Variants in RNF213 observed in about 807,000 individuals in gnomAD.
RNF213 encodes ring finger protein 213.
In RNF213, 341 loss-of-function variants were observed where a neutral mutation model predicts 514.4. The ratio of observed to expected loss-of-function variants is 0.66; its 90% CI spans 0.61 to 0.73. RNF213 has a LOEUF of 0.73. Among genes scored for constraint, RNF213 ranks in the 30% least tolerant of loss-of-function variants. The probability of loss-of-function intolerance (pLI) is 0.00; values close to 1 mark genes in which losing one functional copy is unlikely to be tolerated. For missense variants in RNF213, 5,767 were observed against 6,615.6 expected, an observed-to-expected ratio of 0.87 and a Z score of 4.45; for synonymous variants, 2,655 against 2,658.2, an observed-to-expected ratio of 1.00 and a Z score of 0.04.
Position 80,321,851 on chromosome 17 carries a change from G to A in RNF213, c.3024+2539G>A, listed in dbSNP as rs111429617. On this transcript the variant is annotated intron_variant, in intron 17 of 67. Coordinates refer to ENST00000582970, the MANE Select transcript of RNF213 (RefSeq NM_001256071.3). Reference sequence around the variant, plus strand: ...AGCAATTCTCCTGCCTCAGTCTCTCGAGTAGCTGGGACTACAGGCATGTGC... The same window carrying A: ...AGCAATTCTCCTGCCTCAGTCTCTCAAGTAGCTGGGACTACAGGCATGTGC... Among the ~76,000 whole-genome samples the A allele has an allele frequency of 4.0e-4, 61 of 152,150 alleles. No homozygotes were observed. In the South Asian group the frequency reaches 5.2e-3, roughly 13 times the overall value.
Position 80,389,068 on chromosome 17 carries a change from C to T in RNF213, c.15001-105C>T, listed in dbSNP as rs2080355798. Reference sequence around the variant, plus strand: ...AGTGTCAGCTGTTAGAGAGTTGGCCCCCCGCATGTGGCTTGGGCAGTGAAG... The same window carrying T: ...AGTGTCAGCTGTTAGAGAGTTGGCCTCCCGCATGTGGCTTGGGCAGTGAAG... On this transcript the variant is annotated intron_variant, in intron 64 of 67. Transcript: ENST00000582970. 4 of 1,091,376 alleles carry T rather than the reference C, an allele frequency of 3.7e-6. No individual in the cohort carries two copies. In the Admixed American group the frequency reaches 5.2e-5, roughly 14 times the overall value. The allele number at this position is 1,091,376 out of a possible 1,614,324, so 67.6% of individuals were successfully genotyped here.
intron 32 of RNF213, chr17:80,352,480 G>C (rs2078561636): frequency 2.0e-6 from 1 of 493,280 alleles, no homozygotes; most frequent in Admixed American, 3.6e-5. Context: ...ACTATCTTCA[G>C]ATCTCTTTTT....
Position 80,369,346 on chromosome 17 carries a change from G to A in RNF213, c.12156-156G>A, listed in dbSNP as rs535800879. Among the ~76,000 whole-genome samples, 14 of 151,698 alleles carry A rather than the reference G, an allele frequency of 9.2e-5. No homozygotes were observed. The Middle Eastern group carries it at 0.01, about 111-fold the overall frequency. ...CTGGGAGGTGGAGGTTGCAGTGAGCGGAGATCGCGCCACTGTACTCCAGCC... is the reference window on the plus strand; with the variant it reads ...CTGGGAGGTGGAGGTTGCAGTGAGCAGAGATCGCGCCACTGTACTCCAGCC... On this transcript the variant is annotated intron_variant, in intron 44 of 67. Coordinates refer to ENST00000582970, the MANE Select transcript of RNF213 (RefSeq NM_001256071.3).
At chr17:80,352,868 T>C in intron 32 of RNF213, 72 bp from the exon 33 acceptor site, 1 of 1,608,802 alleles carries the variant, frequency 6.2e-7, no homozygotes, top group Non-Finnish European at 8.5e-7. Context: ...GGGTGTGCAA[T>C]GTCCCTGCTT....
At chr17:80,311,024 A>G (rs973131800) in intron 14 of RNF213, among the ~76,000 whole-genome samples, 93 of 152,314 alleles carry the variant, frequency 6.1e-4, no homozygotes, top group Non-Finnish European at 8.8e-4. Context: ...AGTGGCTGCT[A>G]TTTAAACCGC....
In RNF213 at chr17:80,337,698, T is replaced by G. The variant is rs1002841452; in HGVS notation, c.4640T>G (p.Val1547Gly). The G allele has an allele frequency of 6.5e-6, 10 of 1,537,184 alleles. No homozygotes were observed. The Admixed American group carries it at 2.0e-4, about 30-fold the overall frequency. Residue 1547 changes from valine (V) to glycine (G), a missense_variant, in exon 24 of 68, where the codon GTG becomes GGG. Physicochemically the swap from Val to Gly is moderately radical, Grantham distance 109. Around this residue, in one of 13 missense-constraint regions of RNF213, gnomAD observed 1,377 missense variants for 1,635.2 expected, o/e 0.84. Coordinates refer to ENST00000582970, the MANE Select transcript of RNF213 (RefSeq NM_001256071.3). ...ATAINQRGIY[V>G]IQAPKGGQKI... ...GCCATCAACCAAAGAGGCATCTATG[T>G]GATCCAGGCGCCCAAAGGTGGCCAA...
chr17:80,278,439 G>A (rs143933797), intron 3 of RNF213, among the ~76,000 whole-genome samples: 2,746 of 152,320 alleles, frequency 0.018, 54 homozygotes, highest in Non-Finnish European at 0.03. Context: ...GAGGCCCGGG[G>A]CGCCGGGAGC....
intron 2 of RNF213, among the ~76,000 whole-genome samples, chr17:80,266,278 CAAA>C (rs893946823): frequency 1.1e-5 from 1 of 93,450 alleles, no homozygotes; most frequent in Admixed American, 1.1e-4. Flanking sequence ...CCCATCTCTA[CAAA>C]AAAAAAAAAG....
chr17:80,374,729 C>T (rs769045773), intron 50 of RNF213, 140 bp downstream of exon 50: 10 of 1,012,534 alleles, frequency 9.9e-6, no homozygotes, highest in Non-Finnish European at 1.5e-5. Flanking sequence ...AAGTCACGTG[C>T]CCACAGCCTC....
At chr17:80,352,382 C>G (rs370395445) in intron 32 of RNF213, 14 of 268,760 alleles carry the variant, frequency 5.2e-5, no homozygotes, top group Non-Finnish European at 8.5e-5. Context: ...GTAGGTCACA[C>G]GGCGTGGAGA....
At position 80,290,577 on chromosome 17, in the gene RNF213, A is replaced by C. The variant is rs560308642; in HGVS notation, c.1120A>C (p.Ser374Arg). Reference sequence around the variant, plus strand: ...GTTTTGGTTTTCCACCAGCACGCTGAGCCCGGGTGGAGGAGTCACCGTGTT... The same window carrying C: ...GTTTTGGTTTTCCACCAGCACGCTGCGCCCGGGTGGAGGAGTCACCGTGTT... ...DVQEVKASTL[S>R]PGGGVTVFFH... The change falls in exon 7 of 68, where the codon AGC (serine) becomes CGC (arginine). Residue 374 changes from serine to arginine, a missense_variant. By Grantham distance (110) the Ser-to-Arg change is moderately radical. Coordinates refer to ENST00000582970, the MANE Select transcript of RNF213 (RefSeq NM_001256071.3). 1 of 1,613,938 alleles carries C rather than the reference A, an allele frequency of 6.2e-7. No individual in the cohort carries two copies. Among genetic ancestry groups the C allele is most frequent in the South Asian group, 1.1e-5 (1 of 91,064 alleles).
chr17:80,304,777 A>G (rs1184201394), intron 11 of RNF213, among the ~76,000 whole-genome samples: 1 of 152,184 alleles, frequency 6.6e-6, no homozygotes, highest in Non-Finnish European at 1.5e-5. Context: ...CCTGGCACCA[A>G]GCACATTCAC....
rs1444436335 is a variant in RNF213, at chr17:80,377,256, C to T, written c.13510+293C>T. 1 of 465,996 alleles carries T rather than the reference C, an allele frequency of 2.1e-6. No individual in the cohort carries two copies. Among genetic ancestry groups the T allele is most frequent in the Non-Finnish European group, 3.9e-6 (1 of 254,930 alleles). 28.9% of individuals were successfully genotyped at this position (465,996 alleles called of 1,614,324 possible). On this transcript the variant is annotated intron_variant, in intron 53 of 67. Transcript: ENST00000582970. The surrounding 1 kb of genome is among the most constrained non-coding windows in gnomAD (Gnocchi z 4.1). ...GGGAGAAGGGAGGGACTGGGAACCA[C>T]ATCAGAGACGCATTCAAAGGCCCAC...
At chr17:80,289,211 T>C (rs1380282918) in intron 5 of RNF213, among the ~76,000 whole-genome samples, 5 of 152,120 alleles carry the variant, frequency 3.3e-5, no homozygotes, top group Non-Finnish European at 7.4e-5. Context: ...CTGTGATTAG[T>C]GGCCCCAGCG....
At chr17:80,276,100 T>C (rs1005999277) in intron 3 of RNF213, among the ~76,000 whole-genome samples, 8 of 151,576 alleles carry the variant, frequency 5.3e-5, no homozygotes, top group Non-Finnish European at 1.2e-4. Context: ...TTGTTTTATT[T>C]ATTTATTTAT....
At chr17:80,322,964 T>C (rs574367887) in intron 17 of RNF213, among the ~76,000 whole-genome samples, 3 of 152,358 alleles carry the variant, frequency 2.0e-5, no homozygotes, top group Admixed American at 2.0e-4. Flanking sequence ...TCCTAGGTGA[T>C]GAAGATTTAC....
chr17:80,287,591 G>T (rs541101191), intron 3 of RNF213, among the ~76,000 whole-genome samples: 2 of 152,332 alleles, frequency 1.3e-5, no homozygotes, highest in African/African-American at 4.8e-5. Context: ...TGACCGTGCC[G>T]AGTGTGGCGA....
rs756415586 is a variant in RNF213 at position 80,309,191 on chromosome 17, A to G, written c.2655+20A>G. 3 of 1,613,994 alleles carry G rather than the reference A, an allele frequency of 1.9e-6. No individual in the cohort carries two copies. Among genetic ancestry groups the G allele is most frequent in the South Asian group, 2.2e-5 (2 of 91,086 alleles). ...CTGGTGGTAAGTGGAGTCAACACAC[A>G]AGGTATCACACCCGGGATAGGTGCG... On this transcript the variant is annotated intron_variant, in intron 14 of 67. Transcript: ENST00000582970.
At position 80,317,460 on chromosome 17, in the gene RNF213, A is replaced by G. The variant is rs2045986069; in HGVS notation, c.2901+183A>G. Among the ~76,000 whole-genome samples, 1 of 152,148 alleles carries G rather than the reference A, an allele frequency of 6.6e-6. No individual in the cohort carries two copies. The highest frequency in any genetic ancestry group is 3.2e-3 in the Middle Eastern group (1 of 316). On this transcript the variant is annotated intron_variant, in intron 16 of 67. Transcript: ENST00000582970. The surrounding 1 kb of genome is among the most constrained non-coding windows in gnomAD (Gnocchi z 4.1). ...GTCTGTCCCTAGAAGAGCGCTTCGG[A>G]GTCTTACTGAGAGGACAGAGAAGAA... is the stretch of plus-strand genomic sequence containing the variant.
Sources: allele counts gnomAD v4.1 joint callset (sites outside exome capture counted in the v4.1 genomes callset), GRCh38; gene constraint gnomAD v4.1.1; regional missense constraint gnomAD v4.1.1; non-coding constraint Gnocchi (gnomAD v3.1); transcripts MANE v1.5; gene names NCBI Gene and HGNC (gene_info 2026-07-23, HGNC 2026-07-21).